PEAK1: variants seen among roughly 807,000 people sequenced by gnomAD.
PEAK1 encodes inactive tyrosine-protein kinase PEAK1.
PEAK1 carries 54 observed loss-of-function variants against 124.7 expected under a neutral mutation model. The observed-to-expected ratio is 0.43, with a 90% CI of 0.35 to 0.54. The LOEUF is 0.54. Among genes scored for constraint, PEAK1 ranks in the 20% least tolerant of loss-of-function variants. The pLI is 0.01. For missense variants in PEAK1, 2,046 were observed against 2,134.5 expected (o/e 0.96, Z 0.82); for synonymous variants, 719 against 760.0 (o/e 0.95, Z 0.89).
At chr15:77,229,450 A>G (rs1289453308) in intron 6 of PEAK1, among the ~76,000 whole-genome samples, 1 of 152,144 alleles carries the variant, frequency 6.6e-6, no homozygotes, top group South Asian at 2.1e-4. Context: ...CTGCCATCTT[A>G]AAGCAGAATT....
At chr15:77,150,904 A>G (rs987470742) in intron 8 of PEAK1, among the ~76,000 whole-genome samples, 2 of 151,930 alleles carry the variant, frequency 1.3e-5, no homozygotes, top group South Asian at 2.1e-4. Context: ...TCTTAATCCA[A>G]TCTATTGTTG....
chr15:77,236,918 T>G (rs1159803206), intron 6 of PEAK1, among the ~76,000 whole-genome samples: 1 of 152,154 alleles, frequency 6.6e-6, no homozygotes, highest in African/African-American at 2.4e-5. Context: ...TGCTGCCTTG[T>G]GAAGAAGGTG....
In PEAK1 at chr15:77,152,426, A is replaced by C. The variant is rs1351794183; in HGVS notation, c.3331+6077T>G. 2.0e-5 allele frequency among the ~76,000 whole-genome samples: 3 copies of C among 152,194 alleles called. No individual in the cohort carries two copies. In the South Asian group the frequency reaches 6.2e-4, roughly 32 times the overall value. On this transcript the variant is annotated intron_variant, in intron 8 of 9. Transcript: ENST00000682557. ...GGTTTTCTAGATATACAATCATGTC[A>C]TCTGCAAACAGGGACAATTTGACTT...
intron 1 of PEAK1, chr15:77,403,788 C>G (rs1164673405): frequency 1.0e-6 from 1 of 978,976 alleles, no homozygotes; most frequent in Non-Finnish European, 1.2e-6. Context: ...TGACCACAAA[C>G]TCAATTTAAA....
intron 1 of PEAK1, among the ~76,000 whole-genome samples, chr15:77,380,311 T>C (rs1240435542): frequency 6.6e-6 from 1 of 152,094 alleles, no homozygotes; most frequent in African/African-American, 2.4e-5. Context: ...GCCAGATAAT[T>C]AGAATCACCC....
At chr15:77,132,555 C>T (rs2052957704) in intron 9 of PEAK1, among the ~76,000 whole-genome samples, 1 of 151,904 alleles carries the variant, frequency 6.6e-6, no homozygotes, top group Non-Finnish European at 1.5e-5. Context: ...ATTAGCGGGG[C>T]GTGGTGGCAG....
chr15:77,403,423 A>T (rs967091850), intron 1 of PEAK1: 14 of 917,440 alleles, frequency 1.5e-5, no homozygotes, highest in Non-Finnish European at 1.8e-5. Flanking sequence ...ATGATAGGCA[A>T]TCTTACATAT....
intron 2 of PEAK1, chr15:77,332,029 G>A (rs1399380905): frequency 4.1e-6 from 1 of 246,138 alleles, no homozygotes; most frequent in Non-Finnish European, 6.4e-6. Context: ...TTGAGGTCAG[G>A]AGTTCAAAAC....
chr15:77,366,771 A>C (rs1207533081), intron 1 of PEAK1, among the ~76,000 whole-genome samples: 3 of 152,118 alleles, frequency 2.0e-5, no homozygotes, highest in African/African-American at 7.2e-5. Context: ...TTGTCCACGA[A>C]GACTGGTCTT....
intron 2 of PEAK1, among the ~76,000 whole-genome samples, chr15:77,311,052 A>T (rs2064406985): frequency 6.6e-6 from 1 of 152,246 alleles, no homozygotes; most frequent in South Asian, 2.1e-4. Context: ...TTGAAAAATC[A>T]CTGGATACTG....
chr15:77,322,349 T>C (rs2065274270), intron 2 of PEAK1, among the ~76,000 whole-genome samples: 4 of 152,268 alleles, frequency 2.6e-5, no homozygotes, highest in South Asian at 2.1e-4. Context: ...AGCTGGTTTT[T>C]TGAAAGGATC....
chr15:77,114,111 C>T lies in PEAK1; in HGVS notation c.*45G>A, dbSNP rs1388574636. On this transcript the variant is annotated 3_prime_UTR_variant, in exon 10 of 10. Coordinates refer to ENST00000682557, the MANE Select transcript of PEAK1 (RefSeq NM_001385026.1). ...CTAGGGAGGGGAAGTGCATGGGTGA[C>T]ATGAAGAAGGTGAAGATGTAGTAAA... The T allele has an allele frequency of 1.3e-6, 2 of 1,580,070 alleles. No individual in the cohort carries two copies. The highest frequency in any genetic ancestry group is 1.7e-6 in the Non-Finnish European group (2 of 1,155,980).
At chr15:77,250,194 T>C (rs186487229) in intron 6 of PEAK1, among the ~76,000 whole-genome samples, 17 of 112,612 alleles carry the variant, frequency 1.5e-4, no homozygotes, top group South Asian at 2.7e-4. Flanking sequence ...TATATATACA[T>C]ATATATACAT....
At chr15:77,232,724 T>C (rs1293895210) in intron 6 of PEAK1, among the ~76,000 whole-genome samples, 7 of 152,176 alleles carry the variant, frequency 4.6e-5, no homozygotes. Context: ...TCTCAAGGAA[T>C]GTTCTTGAAA....
chr15:77,239,779 T>C, intron 6 of PEAK1: 1 of 919,524 alleles, frequency 1.1e-6, no homozygotes, highest in Non-Finnish European at 1.3e-6. Context: ...ACATATTACA[T>C]ACCTCCTGGG....
intron 6 of PEAK1, among the ~76,000 whole-genome samples, chr15:77,201,823 G>C (rs890648627): frequency 6.6e-6 from 1 of 152,132 alleles, no homozygotes; most frequent in Non-Finnish European, 1.5e-5. Context: ...GGAATGCCTA[G>C]CACCTTGGAA....
chr15:77,248,780 A>C (rs1395435046), intron 6 of PEAK1, among the ~76,000 whole-genome samples: 1 of 152,068 alleles, frequency 6.6e-6, no homozygotes, highest in African/African-American at 2.4e-5. Context: ...GTAAGCACTC[A>C]GTACACATTA....
At chr15:77,312,379 A>ATAT (rs1468419464) in intron 2 of PEAK1, among the ~76,000 whole-genome samples, 5 of 152,332 alleles carry the variant, frequency 3.3e-5, no homozygotes, top group African/African-American at 4.8e-5. Flanking sequence ...CTGACTGATA[A>ATAT]GAGTTTCTTT....
At chr15:77,316,007 A>G (rs1291893818) in intron 2 of PEAK1, among the ~76,000 whole-genome samples, 2 of 152,146 alleles carry the variant, frequency 1.3e-5, no homozygotes, top group African/African-American at 4.8e-5. Context: ...GTTAATAAAT[A>G]TGATAGGGTA....
Sources: gnomAD v4.1 joint callset for allele counts (sites outside exome capture counted in the v4.1 genomes callset) on GRCh38, gnomAD v4.1.1 for gene constraint, MANE v1.5 for transcripts, NCBI Gene and HGNC (gene_info 2026-07-23, HGNC 2026-07-21) for gene names.